The following WNK4 variants were observed in gnomAD, a reference collection of about 807,000 sequenced individuals.
The protein encoded by WNK4 is serine/threonine-protein kinase WNK4.
WNK4 carries 94 observed loss-of-function variants against 116.2 expected under a neutral mutation model. The observed-to-expected ratio is 0.81, with a 90% CI of 0.68 to 0.96. The LOEUF (loss-of-function observed/expected upper bound fraction) is 0.96. Ranked by LOEUF, WNK4 falls within the 40% of genes least tolerant of loss-of-function variation. The probability of loss-of-function intolerance (pLI) is 0.00; values close to 1 mark genes in which losing one functional copy is unlikely to be tolerated. For synonymous variants in WNK4, 655 were observed against 672.7 expected, an observed-to-expected ratio of 0.97 and a Z score of 0.41; for missense variants, 1,542 against 1,650.6, an observed-to-expected ratio of 0.93 and a Z score of 1.14.
At chr17:42,793,832 C>A in intron 12 of WNK4, 103 bp downstream of exon 12, 1 of 1,437,874 alleles carries the variant, frequency 7.0e-7, no homozygotes, top group Non-Finnish European at 9.6e-7. Context: ...TCCTCTTCAT[C>A]TCTGGGACCC....
Position 42,784,229 on chromosome 17 carries a change from C to T in WNK4, c.1012+72C>T. On this transcript the variant is annotated intron_variant, in intron 3 of 18. Coordinates refer to ENST00000246914, the MANE Select transcript of WNK4 (RefSeq NM_032387.5). The surrounding 1 kb of genome is among the most constrained non-coding windows in gnomAD (Gnocchi z 4.4). The stretch of plus-strand genomic sequence containing the variant: ...CAGAAGAGAACCTGGGGACTCCCTC[C>T]CCTCAGCAAGGGCCTTCAAGGTCCA... The T allele has an allele frequency of 1.3e-6, 2 of 1,589,622 alleles. No individual in the cohort carries two copies. The highest frequency in any genetic ancestry group is 1.7e-6 in the Non-Finnish European group (2 of 1,167,018).
At chr17:42,790,174 G>A (rs977618990) in intron 11 of WNK4, among the ~76,000 whole-genome samples, 1 of 152,156 alleles carries the variant, frequency 6.6e-6, no homozygotes, top group Non-Finnish European at 1.5e-5. Context: ...GGGAAGAGGA[G>A]AAAGGGTGAA....
Position 42,795,471 on chromosome 17 carries a change from C to T in WNK4, c.2972C>T (p.Pro991Leu), listed in dbSNP as rs2144085823. Residue 991 changes from proline to leucine, a missense_variant, in exon 15 of 19, where the codon CCT becomes CTT. This residue lies in a region of WNK4 where 292 missense variants were observed against 290.1 expected (regional missense o/e 1.01). Coordinates refer to ENST00000246914, the MANE Select transcript of WNK4 (RefSeq NM_032387.5). ...CCCCCCACTTTCTAGGCCTCACCAC[C>T]TCCTGCTCGGCCCCTCCCAGGGGAA... is the stretch of plus-strand genomic sequence containing the variant. ...TAEVESEASP[P>L]PARPLPGEAR... is the part of the protein sequence containing the mutation. 1 of 1,614,244 alleles carries T rather than the reference C, an allele frequency of 6.2e-7. No homozygotes were observed. The highest frequency in any genetic ancestry group is 2.2e-5 in the East Asian group (1 of 44,884).
At chr17:42,785,595 C>T (rs897194808) in intron 6 of WNK4, 113 bp downstream of exon 6, 10 of 1,259,970 alleles carry the variant, frequency 7.9e-6, no homozygotes, top group African/African-American at 5.9e-5. Flanking sequence ...GGCGGGGCAC[C>T]TCACCCCTCT....
chr17:42,788,309 T>G lies in WNK4; in HGVS notation c.1942T>G (p.Ser648Ala). ...PGDSYASDAA[S>A]GLSDVGEGMG... ...TAACAGCTATGCCTCAGATGCAGCT[T>G]CAGGCCTTAGCGATGTGGGAGAAGG... The change falls in exon 10 of 19, where the codon TCA (serine) becomes GCA (alanine). Residue 648 changes from serine (S) to alanine (A), a missense_variant. Ser to Ala is a moderately conservative substitution (Grantham distance 99, BLOSUM62 1). Around this residue, in one of 7 missense-constraint regions of WNK4, gnomAD observed 808 missense variants for 873.6 expected, o/e 0.92. Coordinates refer to ENST00000246914, the MANE Select transcript of WNK4 (RefSeq NM_032387.5). 1 of 1,614,138 alleles carries G rather than the reference T, an allele frequency of 6.2e-7. No individual in the cohort carries two copies.
At position 42,795,111 on chromosome 17, in the gene WNK4, C is replaced by G. The variant is rs1343130276; in HGVS notation, c.2690C>G (p.Ser897Cys). Residue 897 changes from serine (S) to cysteine (C), a missense_variant, in exon 14 of 19, where the codon TCT becomes TGT. Around this residue, in one of 7 missense-constraint regions of WNK4, gnomAD observed 292 missense variants for 290.1 expected, o/e 1.01. Transcript: ENST00000246914. ...CCACCTACGTTCTCTCCCACTTGTTCTCAGGTCACTCTTAGTTCCCCTTTC... is the reference window on the plus strand; with the variant it reads ...CCACCTACGTTCTCTCCCACTTGTTGTCAGGTCACTCTTAGTTCCCCTTTC... ...TSPPTFSPTC[S>C]QVTLSSPFFP... The G allele has an allele frequency of 3.1e-6, 5 of 1,614,100 alleles. No individual in the cohort carries two copies. Among genetic ancestry groups the G allele is most frequent in the African/African-American group, 1.3e-5 (1 of 74,992 alleles).
At chr17:42,785,241 C>G in intron 5 of WNK4, 25 bp from the exon 6 acceptor site, 1 of 1,607,344 alleles carries the variant, frequency 6.2e-7, no homozygotes, top group Non-Finnish European at 8.5e-7. Context: ...GCGGCGGGCT[C>G]GGCTCACCCA....
rs372576170 is a variant in WNK4 at position 42,794,673 on chromosome 17, G to C, written c.2350+5G>C. On this transcript the variant is annotated splice_donor_5th_base_variant and intron_variant, in intron 13 of 18. Coordinates refer to ENST00000246914, the MANE Select transcript of WNK4 (RefSeq NM_032387.5). ...CCCTCCCAGACCCATCCAATGGTAT[G>C]TACTGAGTTGTGTCCTTGCTCATCC... is the stretch of plus-strand genomic sequence containing the variant. 1 of 1,613,910 alleles carries C rather than the reference G, an allele frequency of 6.2e-7. No homozygotes were observed. The highest frequency in any genetic ancestry group is 8.5e-7 in the Non-Finnish European group (1 of 1,179,954).
At chr17:42,796,070 C>T in intron 16 of WNK4, 37 bp downstream of exon 16, 1 of 1,614,026 alleles carries the variant, frequency 6.2e-7, no homozygotes, top group Non-Finnish European at 8.5e-7. Flanking sequence ...AGAGGAGAAC[C>T]TGGGAGAGCA....
rs778470181 is a variant in WNK4 at position 42,795,913 on chromosome 17, G to T, written c.3311G>T (p.Ser1104Ile). Residue 1104 changes from serine to isoleucine, a missense_variant, in exon 16 of 19, where the codon AGC (serine) becomes ATC (isoleucine). Physicochemically the swap from Ser to Ile is moderately radical, Grantham distance 142. Coordinates refer to ENST00000246914, the MANE Select transcript of WNK4 (RefSeq NM_032387.5). ...PQVGGSPQPL[S>I]HPSPVWMNYS... ...GTTGGGGGCAGCCCCCAACCCCTGA[G>T]CCATCCCAGCCCAGTGTGGATGAAC... 13 of 1,611,698 alleles carry T rather than the reference G, an allele frequency of 8.1e-6. No individual in the cohort carries two copies. Among genetic ancestry groups the T allele is most frequent in the African/African-American group, 1.3e-5 (1 of 74,842 alleles).
Position 42,787,744 on chromosome 17 carries a change from T to C in WNK4, c.1742-34T>C, listed in dbSNP as rs61755594. The stretch of plus-strand genomic sequence containing the variant: ...TCCTCTGCCACTATTCCCTTTTATT[T>C]CCCCTTTTTTTGATCCTCTCCCTCC... On this transcript the variant is annotated intron_variant, in intron 7 of 18. Transcript: ENST00000246914. 9,181 of 1,608,374 alleles carry C rather than the reference T, an allele frequency of 5.7e-3. 358 individuals carry two copies. The African/African-American group carries it at 0.091, about 16-fold the overall frequency.
At position 42,784,550 on chromosome 17, in the gene WNK4, G is replaced by A. The variant is rs761900901; in HGVS notation, c.1141G>A (p.Ala381Thr). The change falls in exon 4 of 19, where the codon GCC (alanine) becomes ACC (threonine). Residue 381 changes from alanine (A) to threonine (T), a missense_variant. Ala to Thr is a moderately conservative substitution (Grantham distance 58). Transcript: ENST00000246914. This position sits in a 1 kb window ranked among gnomAD's most constrained non-coding sequence, Gnocchi z 4.4. ...GTACCCGTACTCCGAGTGCCAGAAT[G>A]CCGCGCAAATCTACCGCAAGGTCAC... ...SEYPYSECQNAAQIYRKVTSG... is the reference protein window; with the variant it reads ...SEYPYSECQNTAQIYRKVTSG... 1 of 1,614,180 alleles carries A rather than the reference G, an allele frequency of 6.2e-7. No homozygotes were observed. Among genetic ancestry groups the A allele is most frequent in the Non-Finnish European group, 8.5e-7 (1 of 1,180,042 alleles).
In WNK4 at chr17:42,795,053, C is replaced by G; in HGVS notation, c.2632C>G (p.Gln878Glu). The change falls in exon 14 of 19, where the codon CAG becomes GAG. Residue 878 changes from glutamine (Q) to glutamate (E), a missense_variant. Gln to Glu is a conservative substitution (Grantham distance 29). Around this residue, in one of 7 missense-constraint regions of WNK4, gnomAD observed 292 missense variants for 290.1 expected, o/e 1.01. Transcript: ENST00000246914. ...ACCCGAGTTTCCGGTCCCACTCTCT[C>G]AGTGTCCCTGGAGTTCTCTCCCCAC... ...STPEFPVPLS[Q>E]CPWSSLPTTS... The G allele has an allele frequency of 6.2e-7, 1 of 1,614,020 alleles. No individual in the cohort carries two copies. The highest frequency in any genetic ancestry group is 1.1e-5 in the South Asian group (1 of 91,076).
At chr17:42,786,999 A>G (rs1439019474) in intron 6 of WNK4, among the ~76,000 whole-genome samples, 1 of 152,210 alleles carries the variant, frequency 6.6e-6, no homozygotes, top group Non-Finnish European at 1.5e-5. Context: ...GATAGTGCCA[A>G]ACATCTCTTC....
chr17:42,784,307 C>T lies in WNK4; in HGVS notation c.1013-115C>T. 2 of 1,546,366 alleles carry T rather than the reference C, an allele frequency of 1.3e-6. No homozygotes were observed. The highest frequency in any genetic ancestry group is 1.8e-6 in the Non-Finnish European group (2 of 1,132,590). ...AGGAGACCTATGGCACCCACCTCAA[C>T]CCCACTGTGGGCCGGGGTCACTTGC... On this transcript the variant is annotated intron_variant, in intron 3 of 18. Transcript: ENST00000246914. The surrounding 1 kb of genome is among the most constrained non-coding windows in gnomAD (Gnocchi z 4.4).
chr17:42,784,429 G>A lies in WNK4; in HGVS notation c.1020G>A (p.Pro340=), dbSNP rs1348436147. 6.2e-7 allele frequency: 1 copy of A among 1,613,450 alleles called. No individual in the cohort carries two copies. The highest frequency in any genetic ancestry group is 2.2e-5 in the East Asian group (1 of 44,842). Residue 340 remains proline (P), a synonymous_variant, in exon 4 of 19, where the codon CCG becomes CCA. Coordinates refer to ENST00000246914, the MANE Select transcript of WNK4 (RefSeq NM_032387.5). This position sits in a 1 kb window ranked among gnomAD's most constrained non-coding sequence, Gnocchi z 4.4. ...ASFAKSVIGT[P]EFMAPEMYEE... ...CTGCTGTGGACCCTACAGGGACCCCGGAATTCATGGCCCCCGAGATGTACG... is the reference window on the plus strand; with the variant it reads ...CTGCTGTGGACCCTACAGGGACCCCAGAATTCATGGCCCCCGAGATGTACG...
Position 42,795,612 on chromosome 17 carries a change from C to G in WNK4, c.3023-13C>G, listed in dbSNP as rs776289134. ...TCTCCTTTCCTCATGCCTTCTTCCT[C>G]GTCGCCCTACAGAGGGAAAGCCGCA... On this transcript the variant is annotated splice_polypyrimidine_tract_variant and intron_variant, in intron 15 of 18. Coordinates refer to ENST00000246914, the MANE Select transcript of WNK4 (RefSeq NM_032387.5). 1.2e-6 allele frequency: 2 copies of G among 1,613,946 alleles called. No individual in the cohort carries two copies. The highest frequency in any genetic ancestry group is 1.7e-6 in the Non-Finnish European group (2 of 1,180,052).
At position 42,796,552 on chromosome 17, in the gene WNK4, A is replaced by G. The variant is rs1157903228; in HGVS notation, c.3703A>G (p.Thr1235Ala). 6.2e-7 allele frequency: 1 copy of G among 1,614,160 alleles called. No homozygotes were observed. Among genetic ancestry groups the G allele is most frequent in the African/African-American group, 1.3e-5 (1 of 75,066 alleles). The change falls in exon 18 of 19, where the codon ACA becomes GCA. Residue 1235 changes from threonine to alanine, a missense_variant. Physicochemically the swap from Thr to Ala is moderately conservative, Grantham distance 58. Around this residue, in one of 7 missense-constraint regions of WNK4, gnomAD observed 148 missense variants for 157.2 expected, o/e 0.94. Coordinates refer to ENST00000246914, the MANE Select transcript of WNK4 (RefSeq NM_032387.5). ...SQEQRASKGV[T>A]FAGDVGRM ...GGAGCAGCGGGCAAGCAAGGGGGTG[A>G]CATTCGCCGGGGATGTTGGCAGGAT...
intron 8 of WNK4, 84 bp downstream of exon 8, chr17:42,787,983 C>T: frequency 1.3e-6 from 2 of 1,599,148 alleles, no homozygotes; most frequent in Middle Eastern, 1.7e-4. Flanking sequence ...TCTCATGATC[C>T]AGTCCCATGT....
Sources: gnomAD v4.1 joint callset for allele counts (sites outside exome capture counted in the v4.1 genomes callset) on GRCh38, gnomAD v4.1.1 for gene constraint, gnomAD v4.1.1 regional missense constraint, Gnocchi (gnomAD v3.1) non-coding constraint, MANE v1.5 for transcripts, NCBI Gene and HGNC (gene_info 2026-07-23, HGNC 2026-07-21) for gene names.